Variants in RBMS3 observed in about 807,000 individuals in gnomAD.
RBMS3 encodes RNA-binding motif, single-stranded-interacting protein 3.
RBMS3 carries 27 observed loss-of-function variants against 66.8 expected under a neutral mutation model. That is an observed-to-expected ratio of 0.40 (90% confidence interval 0.30 to 0.56). RBMS3 has a LOEUF of 0.56. RBMS3 is among the 20% of genes least tolerant of loss of function. The pLI is 0.40. For missense variants in RBMS3, 513 were observed against 549.5 expected (o/e 0.93, Z 0.66); for synonymous variants, 188 against 183.0 (o/e 1.03, Z -0.22).
intron 5 of RBMS3, 112 bp downstream of exon 5, chr3:29,739,989 AATT>A: frequency 4.4e-6 from 4 of 898,898 alleles, no homozygotes; most frequent in Admixed American, 3.3e-5. Flanking sequence ...AAAAAAAAAA[AATT>A]AAAAGTAGCT....
At chr3:29,338,678 C>G (rs1334936550) in intron 1 of RBMS3, among the ~76,000 whole-genome samples, 2 of 98,894 alleles carry the variant, frequency 2.0e-5, no homozygotes, top group Non-Finnish European at 4.5e-5. Context: ...TCCTCTCCTC[C>G]TCCTCTCCTC....
intron 4 of RBMS3, chr3:29,615,900 G>A (rs2048655270): frequency 6.6e-6 from 1 of 152,122 alleles, no homozygotes; most frequent in South Asian, 2.1e-4. Context: ...ATGATGAGAG[G>A]AAATAAAAAT....
At chr3:29,654,768 T>G (rs1462570917) in intron 4 of RBMS3, among the ~76,000 whole-genome samples, 1 of 151,388 alleles carries the variant, frequency 6.6e-6, no homozygotes, top group Non-Finnish European at 1.5e-5. Flanking sequence ...TTTTGCGTTT[T>G]TTTTTTTTTT....
At chr3:29,465,601 GC>G (rs1432976269) in intron 2 of RBMS3, among the ~76,000 whole-genome samples, 2 of 150,374 alleles carry the variant, frequency 1.3e-5, no homozygotes, top group African/African-American at 4.9e-5. Flanking sequence ...CTTTCAGAAC[GC>G]GTACTTTGTA....
At chr3:29,776,454 A>G (rs906171572) in intron 6 of RBMS3, among the ~76,000 whole-genome samples, 3 of 152,000 alleles carry the variant, frequency 2.0e-5, no homozygotes, top group Admixed American at 1.3e-4. Context: ...AACATGGTAC[A>G]TGTATACATA....
At chr3:29,830,236 A>G (rs1370810738) in intron 6 of RBMS3, among the ~76,000 whole-genome samples, 1 of 152,160 alleles carries the variant, frequency 6.6e-6, no homozygotes, top group Non-Finnish European at 1.5e-5. Flanking sequence ...CCTACATTAA[A>G]AATTTTAATT....
chr3:29,771,173 A>G (rs1397013270), intron 6 of RBMS3, among the ~76,000 whole-genome samples: 2 of 152,158 alleles, frequency 1.3e-5, no homozygotes, highest in Non-Finnish European at 2.9e-5. Flanking sequence ...TTCAGCCCTG[A>G]ATGATGAATC....
At position 29,995,433 on chromosome 3, in the gene RBMS3, G is replaced by A. The variant is rs1459773103; in HGVS notation, c.1307+4224G>A. The stretch of plus-strand genomic sequence containing the variant: ...AGAGAACGCCACAAAGATACTCCTC[G>A]AGAAGAGCAACTCCAAGACACATAA... On this transcript the variant is annotated intron_variant, in intron 14 of 14. Transcript: ENST00000383767. Among the ~76,000 whole-genome samples the A allele has an allele frequency of 2.4e-4, 37 of 152,064 alleles. No homozygotes were observed. In the East Asian group the frequency reaches 3.1e-3, roughly 13 times the overall value.
At chr3:29,307,334 A>T (rs1046031266) in intron 1 of RBMS3, among the ~76,000 whole-genome samples, 3 of 151,960 alleles carry the variant, frequency 2.0e-5, no homozygotes, top group African/African-American at 7.2e-5. Flanking sequence ...AAGCAATTAC[A>T]TTTGTATGTT....
intron 6 of RBMS3, among the ~76,000 whole-genome samples, chr3:29,854,081 G>A (rs1376185985): frequency 1.3e-5 from 2 of 152,146 alleles, no homozygotes; most frequent in Non-Finnish European, 2.9e-5. Context: ...CCTCTGTGCT[G>A]TGAGTCTGGG....
intron 6 of RBMS3, among the ~76,000 whole-genome samples, chr3:29,795,539 T>C (rs1409738108): frequency 6.6e-6 from 1 of 152,236 alleles, no homozygotes; most frequent in Non-Finnish European, 1.5e-5. Flanking sequence ...GCAGTTTTGT[T>C]CATTGTTATA....
chr3:29,669,584 T>G (rs1382630607), intron 4 of RBMS3, among the ~76,000 whole-genome samples: 1 of 152,216 alleles, frequency 6.6e-6, no homozygotes, highest in Non-Finnish European at 1.5e-5. Flanking sequence ...CCGGAGTGAC[T>G]GGTAGATAAA....
In RBMS3 at chr3:29,294,061, G is replaced by A. The variant is rs565625788; in HGVS notation, c.75+12305G>A. Among the ~76,000 whole-genome samples the A allele has an allele frequency of 5.3e-5, 8 of 151,774 alleles. No individual in the cohort carries two copies. In the South Asian group the frequency reaches 1.2e-3, roughly 24 times the overall value. On this transcript the variant is annotated intron_variant, in intron 1 of 14. Transcript: ENST00000383767. Reference sequence around the variant, plus strand: ...TTAGTCTGTAAACAGTCTGAGAACTGGGACCACAGTTTTGATCTCTGAATG... The same window carrying A: ...TTAGTCTGTAAACAGTCTGAGAACTAGGACCACAGTTTTGATCTCTGAATG...
At chr3:29,843,007 A>C (rs1333589782) in intron 6 of RBMS3, among the ~76,000 whole-genome samples, 2 of 152,192 alleles carry the variant, frequency 1.3e-5, no homozygotes, top group Admixed American at 6.5e-5. Context: ...AATTTGTTAC[A>C]ACAGCCATAG....
intron 4 of RBMS3, among the ~76,000 whole-genome samples, chr3:29,590,086 A>ATTT (rs147732896): frequency 2.7e-4 from 38 of 138,932 alleles, no homozygotes; most frequent in East Asian, 1.8e-3. Flanking sequence ...AAAGGAGTTT[A>ATTT]TTTATTTTTT....
intron 1 of RBMS3, among the ~76,000 whole-genome samples, chr3:29,388,256 G>A (rs2039105952): frequency 1.3e-5 from 2 of 152,134 alleles, no homozygotes; most frequent in South Asian, 2.1e-4. Context: ...CGGTTTGCTT[G>A]TTGTCTGACT....
At chr3:29,727,458 A>G (rs909133947) in intron 4 of RBMS3, among the ~76,000 whole-genome samples, 1 of 152,190 alleles carries the variant, frequency 6.6e-6, no homozygotes, top group African/African-American at 2.4e-5. Context: ...AATTTTTGCA[A>G]TCTACCTATC....
intron 12 of RBMS3, among the ~76,000 whole-genome samples, chr3:29,959,718 G>T (rs145955996): frequency 6.6e-6 from 1 of 152,006 alleles, no homozygotes; most frequent in African/African-American, 2.4e-5. Flanking sequence ...ACTTACAATC[G>T]TGGTGGAAGG....
intron 6 of RBMS3, among the ~76,000 whole-genome samples, chr3:29,815,529 A>C (rs2057862419): frequency 6.6e-6 from 1 of 152,142 alleles, no homozygotes; most frequent in African/African-American, 2.4e-5. Flanking sequence ...TTAAAATTAA[A>C]ATTAGGAACA....
Sources: gnomAD v4.1 joint callset for allele counts (sites outside exome capture counted in the v4.1 genomes callset) on GRCh38, gnomAD v4.1.1 for gene constraint, MANE v1.5 for transcripts, NCBI Gene and HGNC (gene_info 2026-07-23, HGNC 2026-07-21) for gene names.